The following GNA12 variants were observed in gnomAD, a reference collection of about 807,000 sequenced individuals.
The protein encoded by GNA12 is G protein subunit alpha 12, also known as guanine nucleotide-binding protein subunit alpha-12.
In GNA12, 9 loss-of-function variants were observed where a neutral mutation model predicts 26.0. The ratio of observed to expected loss-of-function variants is 0.35; its 90% confidence interval spans 0.21 to 0.60. GNA12 has a LOEUF of 0.60. Ranked by LOEUF, GNA12 falls within the 20% of genes least tolerant of loss-of-function variation. The pLI, the probability that GNA12 is intolerant of heterozygous loss-of-function variation, is 0.78. For missense variants in GNA12, 405 were observed against 525.8 expected, an observed-to-expected ratio of 0.77 and a Z score of 2.25; for synonymous variants, 264 against 219.6, an observed-to-expected ratio of 1.20 and a Z score of -1.79.
intron 1 of GNA12, among the ~76,000 whole-genome samples, chr7:2,832,445 A>C (rs1205076403): frequency 6.6e-6 from 1 of 152,184 alleles, no homozygotes; most frequent in Admixed American, 6.5e-5. Context: ...GACTGCCCCA[A>C]ACAGGCACTC....
intron 2 of GNA12, among the ~76,000 whole-genome samples, chr7:2,761,458 A>G (rs954124771): frequency 3.3e-5 from 5 of 152,232 alleles, no homozygotes; most frequent in Non-Finnish European, 2.9e-5. Context: ...GAAGCCTAGT[A>G]CAAATAAAGA....
At chr7:2,740,773 G>A (rs773528748) in intron 2 of GNA12, among the ~76,000 whole-genome samples, 15 of 152,110 alleles carry the variant, frequency 9.9e-5, no homozygotes, top group East Asian at 7.7e-4. Flanking sequence ...GGCTCGCCGC[G>A]GTGACTCATG....
chr7:2,772,541 C>G (rs1337174696), intron 2 of GNA12, among the ~76,000 whole-genome samples: 1 of 148,788 alleles, frequency 6.7e-6, no homozygotes, highest in Non-Finnish European at 1.5e-5. Flanking sequence ...GCCTGGGCAA[C>G]AGAGTGAGAC....
intron 1 of GNA12, among the ~76,000 whole-genome samples, chr7:2,816,148 C>A (rs1793212866): frequency 6.6e-6 from 1 of 152,070 alleles, no homozygotes; most frequent in African/African-American, 2.4e-5. Context: ...AACGGATCAG[C>A]AATTATGGTA....
intron 1 of GNA12, among the ~76,000 whole-genome samples, chr7:2,806,550 G>A (rs1414987103): frequency 1.3e-5 from 2 of 151,270 alleles, no homozygotes; most frequent in African/African-American, 4.9e-5. Flanking sequence ...AAAAAATAGA[G>A]GAAATATAGA....
chr7:2,842,528 C>A (rs554007517), intron 1 of GNA12, among the ~76,000 whole-genome samples: 2 of 152,290 alleles, frequency 1.3e-5, no homozygotes, highest in East Asian at 1.9e-4. Flanking sequence ...AAACTTCTGG[C>A]CTCAAGTGAT....
At chr7:2,733,970 T>C (rs1273294258) in intron 2 of GNA12, among the ~76,000 whole-genome samples, 1 of 152,252 alleles carries the variant, frequency 6.6e-6, no homozygotes, top group Non-Finnish European at 1.5e-5. Flanking sequence ...AAGGAGCATC[T>C]AGCAAAACAT....
chr7:2,771,680 G>A (rs751968859), intron 2 of GNA12, among the ~76,000 whole-genome samples: 1 of 152,090 alleles, frequency 6.6e-6, no homozygotes. Flanking sequence ...GTGCACCCCA[G>A]TCTGTTCATC....
intron 1 of GNA12, among the ~76,000 whole-genome samples, chr7:2,807,667 A>T (rs1009367278): frequency 1.3e-5 from 2 of 152,196 alleles, no homozygotes; most frequent in African/African-American, 4.8e-5. Flanking sequence ...TCTGGAGGAA[A>T]GTTCAAACTT....
At chr7:2,763,091 G>C (rs1791645672) in intron 2 of GNA12, 2 of 1,249,632 alleles carry the variant, frequency 1.6e-6, no homozygotes, top group Non-Finnish European at 2.0e-6. Context: ...TTGAGTGAGA[G>C]ACCACAAGCA....
intron 2 of GNA12, chr7:2,763,406 G>C (rs1369167714): frequency 6.6e-6 from 1 of 152,544 alleles, no homozygotes; most frequent in Admixed American, 6.5e-5. Flanking sequence ...GCCCACAAAG[G>C]AGCTCTTCCT....
intron 1 of GNA12, among the ~76,000 whole-genome samples, chr7:2,817,415 T>C (rs1431688689): frequency 6.6e-6 from 1 of 152,112 alleles, no homozygotes; most frequent in Non-Finnish European, 1.5e-5. Flanking sequence ...ACCCGGCCCA[T>C]ACTCCACTTT....
At chr7:2,768,891 T>C (rs541484904) in intron 2 of GNA12, among the ~76,000 whole-genome samples, 1 of 152,342 alleles carries the variant, frequency 6.6e-6, no homozygotes, top group South Asian at 2.1e-4. Flanking sequence ...CATTGATTGT[T>C]TTCCAAGTTG....
At chr7:2,742,048 G>A (rs4722030) in intron 2 of GNA12, among the ~76,000 whole-genome samples, 23,740 of 151,310 alleles carry the variant, frequency 0.16, 2,007 homozygotes, top group Non-Finnish European at 0.2. Context: ...TTGAGATGGA[G>A]TCTCACCCTG....
chr7:2,791,224 T>C (rs751510789), intron 2 of GNA12, among the ~76,000 whole-genome samples: 7 of 152,234 alleles, frequency 4.6e-5, no homozygotes, highest in African/African-American at 1.7e-4. Context: ...CTTACTTAAC[T>C]GTGTTTTGGA....
chr7:2,806,437 G>C (rs1202055563), intron 1 of GNA12, among the ~76,000 whole-genome samples: 1 of 131,180 alleles, frequency 7.6e-6, no homozygotes. Flanking sequence ...CAGCCTGGGG[G>C]ATAGAGCGAG....
chr7:2,797,079 C>T (rs1792694661), intron 1 of GNA12, among the ~76,000 whole-genome samples: 1 of 152,198 alleles, frequency 6.6e-6, no homozygotes, highest in African/African-American at 2.4e-5. Context: ...GGGACTCAGG[C>T]CAGCTGAGAG....
At position 2,844,042 on chromosome 7, in the gene GNA12, G is replaced by A. The variant is rs11552938; in HGVS notation, c.120C>T (p.Ser40=). The change falls in exon 1 of 4, where the codon AGC becomes AGT. Residue 40 remains serine, a synonymous_variant. Coordinates refer to ENST00000275364, the MANE Select transcript of GNA12 (RefSeq NM_007353.3). The part of the protein sequence containing the change: ...RDAEREARRR[S]RDIDALLARE... ...GGGCCAGCAGCGCGTCGATGTCGCG[G>A]CTACGCCTCCGGGCCTCGCGCTCCG... The A allele has an allele frequency of 4.4e-3, 6,209 of 1,407,940 alleles. 17 individuals are homozygous for A. The highest frequency in any genetic ancestry group is 5.4e-3 in the Non-Finnish European group (5,825 of 1,071,306). The allele number at this position is 1,407,940 out of a possible 1,614,324, so 87.2% of individuals were successfully genotyped here.
intron 2 of GNA12, among the ~76,000 whole-genome samples, chr7:2,768,691 A>AAAAAAAAAAAAAAAAAAAAAAAC (rs1562418608): frequency 1.4e-5 from 2 of 142,590 alleles, no homozygotes; most frequent in Non-Finnish European, 3.1e-5. Context: ...ACAAAACAAA[A>AAAAAAAAAAAAAAAAAAAAAAAC]AAAAAAACAG....
Sources: allele counts gnomAD v4.1 joint callset (sites outside exome capture counted in the v4.1 genomes callset), GRCh38; gene constraint gnomAD v4.1.1; transcripts MANE v1.5; gene names NCBI Gene and HGNC (gene_info 2026-07-23, HGNC 2026-07-21).